ROBO4: variants seen among roughly 807,000 people sequenced by gnomAD.
ROBO4 encodes roundabout homolog 4.
A neutral mutation model predicts 103.3 loss-of-function variants in ROBO4; 80 were observed. The ratio of observed to expected loss-of-function variants is 0.77; its 90% CI spans 0.65 to 0.93. The LOEUF (loss-of-function observed/expected upper bound fraction) is 0.93. Ranked by LOEUF, ROBO4 falls within the 40% of genes least tolerant of loss-of-function variation. The pLI is 0.00. For missense variants in ROBO4, 1,333 were observed against 1,305.3 expected, an observed-to-expected ratio of 1.02 and a Z score of -0.33; for synonymous variants, 504 against 529.7, an observed-to-expected ratio of 0.95 and a Z score of 0.67.
chr11:124,891,843 G>C, intron 10 of ROBO4, 41 bp from the exon 11 acceptor site: 3 of 1,610,352 alleles, frequency 1.9e-6, no homozygotes, highest in Non-Finnish European at 2.5e-6. Flanking sequence ...GGAGAAACAG[G>C]GAGAAGTGAG....
chr11:124,887,397 AAG>A lies in ROBO4; in HGVS notation c.2157_2158del (p.Phe720SerfsTer3). 1 of 1,614,014 alleles carries A rather than the reference AAG, an allele frequency of 6.2e-7. No individual in the cohort carries two copies. Among genetic ancestry groups the A allele is most frequent in the Non-Finnish European group, 8.5e-7 (1 of 1,179,958 alleles). On this transcript the variant is annotated frameshift_variant, in exon 14 of 18. Coordinates refer to ENST00000306534, the MANE Select transcript of ROBO4 (RefSeq NM_019055.6). LOFTEE classifies it high-confidence loss of function. ...CTGAGTTGGGGGAGTTTCATGAGGA[AAG>A]AGGGGTGCTGGAGGGAGATGACGAG...
intron 14 of ROBO4, 41 bp from the exon 15 acceptor site, chr11:124,887,254 G>A (rs571943931): frequency 2.5e-6 from 4 of 1,590,448 alleles, no homozygotes; most frequent in South Asian, 1.2e-5. Flanking sequence ...AGTTACTACA[G>A]CTCTTCAAGT....
At chr11:124,888,858 G>A (rs552705633) in intron 12 of ROBO4, among the ~76,000 whole-genome samples, 1 of 152,326 alleles carries the variant, frequency 6.6e-6, no homozygotes, top group Non-Finnish European at 1.5e-5. Context: ...CCAGGAGCAG[G>A]AACCTGAAGA....
rs370384275 is a variant in ROBO4 at position 124,891,744 on chromosome 11, G to A, written c.1606C>T (p.Arg536Trp). 80 of 1,613,812 alleles carry A rather than the reference G, an allele frequency of 5.0e-5. No individual in the cohort carries two copies. The highest frequency in any genetic ancestry group is 2.1e-4 in the African/African-American group (16 of 74,926). The change falls in exon 11 of 18, where the codon CGG becomes TGG. Residue 536 changes from arginine to tryptophan, a missense_variant. Physicochemically the swap from Arg to Trp is moderately radical, Grantham distance 101 (BLOSUM62 -3). Coordinates refer to ENST00000306534, the MANE Select transcript of ROBO4 (RefSeq NM_019055.6). The part of the protein sequence containing the change: ...ADTWRSTSGS[R>W]DLSSSSSLSS... ...AGGCTGCTGCTGCTGCTCAGGTCCC[G>A]AGAGCCAGAGGTGGAACGCCAAGTG... is the stretch of plus-strand genomic sequence containing the variant.
Position 124,886,699 on chromosome 11 carries a change from C to G in ROBO4, c.2559G>C (p.Gly853=). ...GRTGGGVGPK[G]GVLLCPPRPC... is the part of the protein sequence containing the mutation. ...GCCGAGGTGGGCACAGCAAGACTCCCCCCTTGGGCCCCACCCCTCCTCCAG... is the reference window on the plus strand; with the variant it reads ...GCCGAGGTGGGCACAGCAAGACTCCGCCCTTGGGCCCCACCCCTCCTCCAG... The change falls in exon 16 of 18, where the codon GGG becomes GGC. Residue 853 remains glycine, a synonymous_variant. Transcript: ENST00000306534. The G allele has an allele frequency of 6.2e-7, 1 of 1,609,142 alleles. No individual in the cohort carries two copies. The highest frequency in any genetic ancestry group is 8.5e-7 in the Non-Finnish European group (1 of 1,176,300).
chr11:124,894,253 T>G lies in ROBO4; in HGVS notation c.1266A>C (p.Ala422=). 1 of 1,614,026 alleles carries G rather than the reference T, an allele frequency of 6.2e-7. No homozygotes were observed. The highest frequency in any genetic ancestry group is 8.5e-7 in the Non-Finnish European group (1 of 1,179,998). ...GCTCCCCAGCTCCAGCACCAGTGAC[T>G]GCAGCCACTTGCACGCAGTAGGAGC... ...MPGSYCVQVA[A]VTGAGAGEPS... Residue 422 remains alanine (A), a synonymous_variant, in exon 8 of 18, where the codon GCA becomes GCC. Coordinates refer to ENST00000306534, the MANE Select transcript of ROBO4 (RefSeq NM_019055.6).
rs1313986738 is a variant in ROBO4 at position 124,886,795 on chromosome 11, A to C, written c.2463T>G (p.Ala821=). Residue 821 remains alanine (A), a synonymous_variant, in exon 16 of 18, where the codon GCT becomes GCG. Coordinates refer to ENST00000306534, the MANE Select transcript of ROBO4 (RefSeq NM_019055.6). The stretch of plus-strand genomic sequence containing the variant: ...ACCCATAGGTGGTGGGGGGTGAAGG[A>C]GCCCTTGGCATGGGAGAGACGCTGT... The part of the protein sequence containing the change: ...PRNSVSPMPR[A]PSPPTTYGYI... 6.5e-7 allele frequency: 1 copy of C among 1,537,272 alleles called. No individual in the cohort carries two copies. The highest frequency in any genetic ancestry group is 8.8e-7 in the Non-Finnish European group (1 of 1,140,264).
chr11:124,894,511 C>T lies in ROBO4; in HGVS notation c.1150-142G>A, dbSNP rs1946850900. 8.3e-6 allele frequency: 6 copies of T among 722,014 alleles called. No homozygotes were observed. In the East Asian group the frequency reaches 1.4e-4, roughly 17 times the overall value. 44.7% of individuals were successfully genotyped at this position (722,014 alleles called of 1,614,324 possible). ...ATGCACCCAATTTCCTATTCCCCTC[C>T]TATTCTCCCTACCAAGTGAGAGATA... On this transcript the variant is annotated intron_variant, in intron 7 of 17. Coordinates refer to ENST00000306534, the MANE Select transcript of ROBO4 (RefSeq NM_019055.6).
At position 124,895,773 on chromosome 11, in the gene ROBO4, C is replaced by A; in HGVS notation, c.807+12G>T. The A allele has an allele frequency of 6.2e-7, 1 of 1,614,110 alleles. No homozygotes were observed. Among genetic ancestry groups the A allele is most frequent in the Non-Finnish European group, 8.5e-7 (1 of 1,180,024 alleles). On this transcript the variant is annotated intron_variant, in intron 5 of 17. Transcript: ENST00000306534. ...TCTGGATCGGCTTTTACCCTTAGCA[C>A]CTGGTCCTCACCTTCCAGCTGAGCC... is the stretch of plus-strand genomic sequence containing the variant.
rs996222274 is a variant in ROBO4, at chr11:124,894,811, G to A, written c.1149+270C>T. Among the ~76,000 whole-genome samples, 4 of 152,176 alleles carry A rather than the reference G, an allele frequency of 2.6e-5. No individual in the cohort carries two copies. In the South Asian group the frequency reaches 8.3e-4, roughly 32 times the overall value. On this transcript the variant is annotated intron_variant, in intron 7 of 17. Transcript: ENST00000306534. ...CTCACAGCCTGGTTTGATCTACTCT[G>A]TTTCTTATTCCTGTGGCCTTTGCCC...
In ROBO4 at chr11:124,893,957, C is replaced by T. The variant is rs1456303749; in HGVS notation, c.1407G>A (p.Glu469=). Residue 469 remains glutamate (E), a synonymous_variant, in exon 9 of 18, where the codon GAG becomes GAA. Transcript: ENST00000306534. The part of the protein sequence containing the change: ...EQLRATLKRP[E]VIATCGVALW... ...GTGCAACACCGCAGGTGGCAATGAC[C>T]TCAGGCCGCTTCAAGGTAGCCCTCA... The T allele has an allele frequency of 1.2e-6, 2 of 1,605,208 alleles. No individual in the cohort carries two copies. The highest frequency in any genetic ancestry group is 2.2e-5 in the East Asian group (1 of 44,818).
At position 124,887,428 on chromosome 11, in the gene ROBO4, C is replaced by A; in HGVS notation, c.2128G>T (p.Val710Phe). ...PKLLSSSNEL[V>F]TRHLPPAPLF... Reference sequence around the variant, plus strand: ...GGTGCTGGAGGGAGATGACGAGTAACCAGCTCATTTGAGGAGCTGAGGAGT... The same window carrying A: ...GGTGCTGGAGGGAGATGACGAGTAAACAGCTCATTTGAGGAGCTGAGGAGT... The change falls in exon 14 of 18, where the codon GTT becomes TTT. Residue 710 changes from valine to phenylalanine, a missense_variant. By Grantham distance (50) the Val-to-Phe change is conservative. Coordinates refer to ENST00000306534, the MANE Select transcript of ROBO4 (RefSeq NM_019055.6). 3 of 1,614,050 alleles carry A rather than the reference C, an allele frequency of 1.9e-6. No homozygotes were observed. The highest frequency in any genetic ancestry group is 2.5e-6 in the Non-Finnish European group (3 of 1,179,980).
chr11:124,888,503 G>A (rs955283124), intron 12 of ROBO4, among the ~76,000 whole-genome samples: 1 of 152,228 alleles, frequency 6.6e-6, no homozygotes, highest in Non-Finnish European at 1.5e-5. Context: ...CTAATAGGAA[G>A]AGGAACTTCA....
chr11:124,896,380 A>G (rs1001765625), intron 3 of ROBO4, 62 bp from the exon 4 acceptor site: 10 of 1,603,974 alleles, frequency 6.2e-6, no homozygotes, highest in Admixed American at 3.4e-5. Flanking sequence ...GCTGGGGGGA[A>G]GTTTGAGGCC....
chr11:124,891,675 G>C lies in ROBO4; in HGVS notation c.1675C>G (p.Arg559Gly). ...CACTGAGCATGCTCACAGGAGCGAC[G>C]ACAGTCTAGTGGGTCCCGGGCATCC... ...GADARDPLDCRRSLLSWDSRS... is the reference protein window; with the variant it reads ...GADARDPLDCGRSLLSWDSRS... Residue 559 changes from arginine to glycine, a missense_variant, in exon 11 of 18, where the codon CGT (arginine) becomes GGT (glycine). Coordinates refer to ENST00000306534, the MANE Select transcript of ROBO4 (RefSeq NM_019055.6). 6.2e-7 allele frequency: 1 copy of C among 1,614,184 alleles called. No homozygotes were observed. Among genetic ancestry groups the C allele is most frequent in the Non-Finnish European group, 8.5e-7 (1 of 1,180,040 alleles).
chr11:124,895,418 A>T, intron 6 of ROBO4, 39 bp downstream of exon 6: 2 of 1,571,302 alleles, frequency 1.3e-6, no homozygotes. Context: ...AAGGAGCCAG[A>T]GGGGATATTG....
intron 12 of ROBO4, among the ~76,000 whole-genome samples, chr11:124,888,731 G>C (rs1946755624): frequency 6.6e-6 from 1 of 152,246 alleles, no homozygotes; most frequent in Non-Finnish European, 1.5e-5. Flanking sequence ...GGAAACTAAA[G>C]AGACAGCCCT....
chr11:124,894,568 A>C (rs1479067502), intron 7 of ROBO4, 199 bp from the exon 8 acceptor site: 1 of 573,770 alleles, frequency 1.7e-6, no homozygotes, highest in Non-Finnish European at 3.1e-6. Flanking sequence ...GAAGGGCACA[A>C]GCAAGCTGCT....
Position 124,885,229 on chromosome 11 carries a change from G to T in ROBO4, c.2813C>A (p.Ser938Tyr). Residue 938 changes from serine (S) to tyrosine (Y), a missense_variant, in exon 17 of 18, where the codon TCC becomes TAC. Coordinates refer to ENST00000306534, the MANE Select transcript of ROBO4 (RefSeq NM_019055.6). ...CVFIDASSPP[S>Y]PRDEIFLTPN... ...GGTCAGGAAGATCTCATCCCGTGGG[G>T]AGGGAGGTGATGAGGCATCTGTCAG... The T allele has an allele frequency of 6.2e-7, 1 of 1,612,082 alleles. No individual in the cohort carries two copies. Among genetic ancestry groups the T allele is most frequent in the East Asian group, 2.2e-5 (1 of 44,876 alleles).
Sources: gnomAD v4.1 joint callset for allele counts (sites outside exome capture counted in the v4.1 genomes callset) on GRCh38, gnomAD v4.1.1 for gene constraint, MANE v1.5 for transcripts, NCBI Gene and HGNC (gene_info 2026-07-23, HGNC 2026-07-21) for gene names.